Variants in SDK2 observed in about 807,000 individuals in gnomAD.
SDK2 encodes protein sidekick-2.
In SDK2, 105 loss-of-function variants were observed where a neutral mutation model predicts 253.9. The observed-to-expected ratio is 0.41, with a 90% CI of 0.35 to 0.49. The LOEUF (loss-of-function observed/expected upper bound fraction) is 0.49, where lower values mean the gene tolerates loss of function less well. SDK2 is among the 20% of genes least tolerant of loss of function. The pLI is 0.06. For missense variants in SDK2, 2,608 were observed against 3,003.0 expected, an observed-to-expected ratio of 0.87 and a Z score of 3.07; for synonymous variants, 1,249 against 1,234.9, an observed-to-expected ratio of 1.01 and a Z score of -0.24.
chr17:73,400,868 G>A (rs955183850), intron 21 of SDK2, among the ~76,000 whole-genome samples, 152 bp downstream of exon 21: 20 of 151,984 alleles, frequency 1.3e-4, no homozygotes, highest in African/African-American at 4.6e-4. Context: ...GGCTGGTCTC[G>A]AACTCCTGAC....
At chr17:73,606,789 C>T (rs1006818742) in intron 1 of SDK2, among the ~76,000 whole-genome samples, 1 of 152,136 alleles carries the variant, frequency 6.6e-6, no homozygotes, top group Admixed American at 6.5e-5. Flanking sequence ...GGAACAGGCT[C>T]TATTAGTCAC....
At position 73,415,946 on chromosome 17, in the gene SDK2, T is replaced by C. The variant is rs1440307753; in HGVS notation, c.2233A>G (p.Thr745Ala). The C allele has an allele frequency of 6.2e-7, 1 of 1,611,536 alleles. No homozygotes were observed. The highest frequency in any genetic ancestry group is 2.2e-5 in the East Asian group (1 of 44,796). Residue 745 changes from threonine to alanine, a missense_variant, in exon 17 of 45, where the codon ACG becomes GCG. By Grantham distance (58) the Thr-to-Ala change is moderately conservative (BLOSUM62 0). Transcript: ENST00000392650. ...LPVGYQFKNITDADVNNLLLE... is the reference protein window; with the variant it reads ...LPVGYQFKNIADADVNNLLLE... ...AGCAGGTTGTTCACATCAGCATCCG[T>C]GATGTTCTTAAACTGGTACCCCACG...
At chr17:73,426,572 A>C (rs954387090) in intron 12 of SDK2, among the ~76,000 whole-genome samples, 3 of 152,154 alleles carry the variant, frequency 2.0e-5, no homozygotes, top group African/African-American at 7.2e-5. Context: ...CCTTATGGCA[A>C]AATGTTTACA....
At chr17:73,620,589 C>T (rs2046121401) in intron 1 of SDK2, among the ~76,000 whole-genome samples, 1 of 152,220 alleles carries the variant, frequency 6.6e-6, no homozygotes, top group Admixed American at 6.5e-5. Context: ...TATTCATGCA[C>T]TGTGAACAAC....
Position 73,528,700 on chromosome 17 carries a change from C to G in SDK2, c.65-21103G>C, listed in dbSNP as rs538658457. ...ATCTCTCTCCTGCTCTCTGTTGACT[C>G]TTTGACACTGCAGGGTCACCATCCA... is the stretch of plus-strand genomic sequence containing the variant. On this transcript the variant is annotated intron_variant, in intron 1 of 44. Coordinates refer to ENST00000392650, the MANE Select transcript of SDK2 (RefSeq NM_001144952.2). Among the ~76,000 whole-genome samples, 3 of 152,344 alleles carry G rather than the reference C, an allele frequency of 2.0e-5. No homozygotes were observed. In the East Asian group the frequency reaches 5.8e-4, roughly 29 times the overall value.
In SDK2 at chr17:73,451,276, G is replaced by A. The variant is rs556085664; in HGVS notation, c.480-3528C>T. ...CATCCCAGCAGTTTGGGAGGCTGAG[G>A]CAGGTGGAACGCCTGAGGTCAAGAG... On this transcript the variant is annotated intron_variant, in intron 4 of 44. Coordinates refer to ENST00000392650, the MANE Select transcript of SDK2 (RefSeq NM_001144952.2). 2.6e-5 allele frequency among the ~76,000 whole-genome samples: 4 copies of A among 152,196 alleles called. No individual in the cohort carries two copies. In the South Asian group the frequency reaches 8.3e-4, roughly 32 times the overall value.
chr17:73,394,878 G>A (rs766485826), intron 25 of SDK2, among the ~76,000 whole-genome samples: 2 of 152,162 alleles, frequency 1.3e-5, no homozygotes, highest in Non-Finnish European at 2.9e-5. Context: ...GCAGGAGAGT[G>A]GGCAGTATGA....
At chr17:73,446,485 T>C (rs910766208) in intron 5 of SDK2, among the ~76,000 whole-genome samples, 2 of 152,156 alleles carry the variant, frequency 1.3e-5, no homozygotes, top group Non-Finnish European at 2.9e-5. Flanking sequence ...AGGAGATCCC[T>C]GGGATAATGG....
At chr17:73,397,927 C>G (rs7224026) in intron 24 of SDK2, 108 bp downstream of exon 24, 412,806 of 1,255,524 alleles carry the variant, frequency 0.33, 73,404 homozygotes, top group East Asian at 0.66. Flanking sequence ...CATCAGAAAA[C>G]AGAAAGAGAG....
At chr17:73,440,762 G>T (rs1390680758) in intron 6 of SDK2, 50 bp downstream of exon 6, 2 of 1,350,856 alleles carry the variant, frequency 1.5e-6, no homozygotes, top group Non-Finnish European at 2.1e-6. Context: ...CAGTTTGGGA[G>T]CAGCAGCTGG....
chr17:73,368,071 A>G (rs537890864), intron 37 of SDK2, among the ~76,000 whole-genome samples: 4 of 152,162 alleles, frequency 2.6e-5, no homozygotes, highest in African/African-American at 9.6e-5. Flanking sequence ...AGAGAGACAG[A>G]GGGAAGGCAG....
In SDK2 at chr17:73,435,965, G is replaced by T. The variant is rs1013781217; in HGVS notation, c.1001-321C>A. On this transcript the variant is annotated intron_variant, in intron 8 of 44. Transcript: ENST00000392650. This position sits in a 1 kb window ranked among gnomAD's most constrained non-coding sequence, Gnocchi z 5.7. ...GATGGAGTCTTGCTAGGTTGCCCAGGGTGGTCTAGAACTCTTGGTTTCAAG... is the reference window on the plus strand; with the variant it reads ...GATGGAGTCTTGCTAGGTTGCCCAGTGTGGTCTAGAACTCTTGGTTTCAAG... Among the ~76,000 whole-genome samples, 2 of 151,804 alleles carry T rather than the reference G, an allele frequency of 1.3e-5. No homozygotes were observed. The highest frequency in any genetic ancestry group is 1.3e-4 in the Admixed American group (2 of 15,242).
At chr17:73,441,232 C>T (rs1271627101) in intron 5 of SDK2, among the ~76,000 whole-genome samples, 1 of 151,908 alleles carries the variant, frequency 6.6e-6, no homozygotes, top group East Asian at 1.9e-4. Context: ...GTTCCATTCC[C>T]TTCAAATCCT....
intron 6 of SDK2, 87 bp from the exon 7 acceptor site, chr17:73,438,241 G>T: frequency 2.3e-6 from 3 of 1,308,032 alleles, no homozygotes; most frequent in Non-Finnish European, 3.1e-6. Context: ...AGGAGTGTGG[G>T]CTTGGGAGCC....
chr17:73,488,904 T>C (rs75519740), intron 2 of SDK2, among the ~76,000 whole-genome samples: 2,985 of 152,238 alleles, frequency 0.02, 93 homozygotes, highest in African/African-American at 0.068. Context: ...GCATGGTGAT[T>C]TCTACCAACG....
intron 1 of SDK2, among the ~76,000 whole-genome samples, chr17:73,544,555 T>G (rs1017549026): frequency 6.6e-6 from 1 of 152,072 alleles, no homozygotes; most frequent in African/African-American, 2.4e-5. Flanking sequence ...GATGGATGGA[T>G]GAATATGTGT....
At chr17:73,440,959 T>C in intron 5 of SDK2, 36 bp from the exon 6 acceptor site, 1 of 1,448,494 alleles carries the variant, frequency 6.9e-7, no homozygotes, top group Non-Finnish European at 9.4e-7. Flanking sequence ...GGGGCGAGGC[T>C]GGAAATCCTA....
chr17:73,555,712 C>T (rs2045133021), intron 1 of SDK2, among the ~76,000 whole-genome samples: 1 of 152,214 alleles, frequency 6.6e-6, no homozygotes, highest in Admixed American at 6.5e-5. Context: ...GGCGCCAAGA[C>T]CACATAAGCA....
chr17:73,378,547 A>T (rs779425741), intron 36 of SDK2, among the ~76,000 whole-genome samples: 5 of 151,704 alleles, frequency 3.3e-5, no homozygotes, highest in Non-Finnish European at 7.4e-5. Context: ...AGCCTCTCGA[A>T]TAGCTGGGAT....
Sources: gnomAD v4.1 joint callset for allele counts (sites outside exome capture counted in the v4.1 genomes callset) on GRCh38, gnomAD v4.1.1 for gene constraint, Gnocchi (gnomAD v3.1) non-coding constraint, MANE v1.5 for transcripts, NCBI Gene and HGNC (gene_info 2026-07-23, HGNC 2026-07-21) for gene names.